ESR1: variants seen among roughly 807,000 people sequenced by gnomAD.
ESR1 encodes the protein estrogen receptor.
Under a neutral mutation model 52.7 loss-of-function variants are expected in ESR1, and 12 were observed. The ratio of observed to expected loss-of-function variants is 0.23; its 90% confidence interval spans 0.15 to 0.37. The LOEUF (loss-of-function observed/expected upper bound fraction) is 0.37. Among genes scored for constraint, ESR1 ranks in the 10% least tolerant of loss-of-function variants. The pLI, the probability that ESR1 is intolerant of heterozygous loss-of-function variation, is 1.00. For synonymous variants in ESR1, 305 were observed against 316.8 expected (o/e 0.96, Z 0.39); for missense variants, 584 against 779.7 (o/e 0.75, Z 2.99).
chr6:151,707,035 G>C (rs80247042), intron 2 of ESR1, among the ~76,000 whole-genome samples: 6,427 of 152,242 alleles, frequency 0.042, 462 homozygotes, highest in African/African-American at 0.15. Context: ...GTTTAGGTTA[G>C]TGAGCGTCTA....
intron 5 of ESR1, among the ~76,000 whole-genome samples, chr6:152,019,925 G>A (rs535751037): frequency 2.6e-5 from 4 of 152,122 alleles, no homozygotes; most frequent in Non-Finnish European, 5.9e-5. Context: ...TATCCATAGG[G>A]CGCTGTATGA....
chr6:151,937,025 G>A (rs1319040328), intron 3 of ESR1, among the ~76,000 whole-genome samples: 10 of 152,152 alleles, frequency 6.6e-5, no homozygotes, highest in Admixed American at 6.5e-4. Context: ...TTGGGAAGTA[G>A]TATAAAAAGG....
intron 3 of ESR1, among the ~76,000 whole-genome samples, chr6:151,900,103 C>T (rs918005404): frequency 6.6e-6 from 1 of 152,220 alleles, no homozygotes; most frequent in African/African-American, 2.4e-5. Flanking sequence ...AGCCTGGGCA[C>T]CATTGAGCAC....
At chr6:151,701,965 A>G in exon 2 of ESR1, 1 of 152,214 alleles carries the variant, frequency 6.6e-6, no homozygotes, top group East Asian at 1.9e-4. Flanking sequence ...CTTCTTGAAA[A>G]AGGATGTAGA....
intron 4 of ESR1, among the ~76,000 whole-genome samples, chr6:151,974,239 C>T (rs769975919): frequency 1.3e-5 from 2 of 152,272 alleles, no homozygotes; most frequent in African/African-American, 2.4e-5. Flanking sequence ...CTAATTTAAT[C>T]ATTGAGATAA....
At chr6:151,979,592 A>C (rs553812913) in intron 4 of ESR1, among the ~76,000 whole-genome samples, 155 of 152,316 alleles carry the variant, frequency 1.0e-3, no homozygotes, top group African/African-American at 3.6e-3. Context: ...GAGAATGTAC[A>C]GTAACTCAGG....
chr6:152,052,781 C>T (rs567544524), intron 5 of ESR1, among the ~76,000 whole-genome samples: 20 of 151,974 alleles, frequency 1.3e-4, no homozygotes, highest in Admixed American at 6.5e-4. Context: ...GTGGGGTGGG[C>T]GGTGGTGATC....
intron 3 of ESR1, among the ~76,000 whole-genome samples, chr6:151,927,983 C>T (rs1201164191): frequency 1.3e-5 from 2 of 152,154 alleles, no homozygotes; most frequent in East Asian, 3.9e-4. Context: ...CTCGGCCTCC[C>T]AAAGTGCTAG....
At chr6:151,706,053 T>C (rs558134549) in intron 2 of ESR1, among the ~76,000 whole-genome samples, 5 of 152,312 alleles carry the variant, frequency 3.3e-5, no homozygotes, top group East Asian at 3.9e-4. Flanking sequence ...CAACAACCAG[T>C]GAAAAATCTT....
At chr6:152,115,367 G>A in intron 6 of ESR1, among the ~76,000 whole-genome samples, 1 of 152,114 alleles carries the variant, frequency 6.6e-6, no homozygotes. Flanking sequence ...ACAACAGGGG[G>A]CCTCTCTGTC....
intron 1 of ESR1, among the ~76,000 whole-genome samples, chr6:151,693,969 C>G (rs1393836120): frequency 6.6e-6 from 1 of 152,142 alleles, no homozygotes; most frequent in Non-Finnish European, 1.5e-5. Context: ...GATAGTCTCT[C>G]CCACTCTGGC....
chr6:152,114,649 T>C (rs1408792619), intron 6 of ESR1, among the ~76,000 whole-genome samples: 1 of 151,988 alleles, frequency 6.6e-6, no homozygotes, highest in Non-Finnish European at 1.5e-5. Context: ...CCCAGCACTT[T>C]GGGAGGCCGA....
intron 3 of ESR1, among the ~76,000 whole-genome samples, chr6:151,888,369 A>C (rs1389883133): frequency 1.3e-5 from 2 of 151,792 alleles, no homozygotes; most frequent in Non-Finnish European, 2.9e-5. Flanking sequence ...TTTAGCATAC[A>C]ATTCTTTCAC....
chr6:151,961,546 T>C (rs1480386416), intron 4 of ESR1, among the ~76,000 whole-genome samples: 2 of 152,030 alleles, frequency 1.3e-5, no homozygotes, highest in Non-Finnish European at 2.9e-5. Context: ...TGCCATCACA[T>C]AGATAGGAAG....
At chr6:151,765,329 A>G (rs2128101926) in intron 2 of ESR1, among the ~76,000 whole-genome samples, 1 of 152,350 alleles carries the variant, frequency 6.6e-6, no homozygotes, top group Non-Finnish European at 1.5e-5. Flanking sequence ...GTTTTCAATG[A>G]CTGAATTGAG....
intron 1 of ESR1, among the ~76,000 whole-genome samples, chr6:151,817,704 T>A (rs1391378234): frequency 6.6e-6 from 1 of 152,232 alleles, no homozygotes; most frequent in Non-Finnish European, 1.5e-5. Context: ...GGAAGCAATC[T>A]AAAACATGGA....
chr6:151,808,371 G>T lies in ESR1; in HGVS notation c.452+7G>T. On this transcript the variant is annotated splice_region_variant and intron_variant, in intron 1 of 7. Coordinates refer to ENST00000206249, the MANE Select transcript of ESR1 (RefSeq NM_000125.4). The stretch of plus-strand genomic sequence containing the variant: ...GCCCGCCGGCATTCTACAGGTACCC[G>T]CGCCCGCGCCGCCCGTCGGGGTGGC... 1 of 1,264,384 alleles carries T rather than the reference G, an allele frequency of 7.9e-7. No individual in the cohort carries two copies. The allele number at this position is 1,264,384 out of a possible 1,614,324, so 78.3% of individuals were successfully genotyped here.
At chr6:151,924,844 T>TA (rs1261037878) in intron 3 of ESR1, among the ~76,000 whole-genome samples, 2 of 152,192 alleles carry the variant, frequency 1.3e-5, no homozygotes, top group Non-Finnish European at 2.9e-5. Flanking sequence ...TGTTTTTTTT[T>TA]AAACCCTGCA....
At chr6:152,010,857 CCTT>C (rs984847391) in intron 4 of ESR1, among the ~76,000 whole-genome samples, 2 of 151,298 alleles carry the variant, frequency 1.3e-5, no homozygotes, top group African/African-American at 2.4e-5. Flanking sequence ...GCTCAACAAA[CCTT>C]CTCCTCCTTC....
Sources: gnomAD v4.1 joint callset for allele counts (sites outside exome capture counted in the v4.1 genomes callset) on GRCh38, gnomAD v4.1.1 for gene constraint, MANE v1.5 for transcripts, NCBI Gene and HGNC (gene_info 2026-07-23, HGNC 2026-07-21) for gene names.